Variants in KLF12 observed in about 807,000 individuals in gnomAD.
KLF12 encodes the protein Krueppel-like factor 12.
Under a neutral mutation model 37.8 loss-of-function variants are expected in KLF12, and 9 were observed. The observed-to-expected ratio is 0.24, with a 90% CI of 0.14 to 0.42. KLF12 has a LOEUF of 0.42. Among genes scored for constraint, KLF12 ranks in the 10% least tolerant of loss-of-function variants. KLF12 has a pLI of 1.00. For synonymous variants in KLF12, 208 were observed against 202.1 expected, an observed-to-expected ratio of 1.03 and a Z score of -0.25; for missense variants, 411 against 516.0, an observed-to-expected ratio of 0.80 and a Z score of 1.97.
At chr13:73,946,942 C>T (rs1189986353) in intron 2 of KLF12, among the ~76,000 whole-genome samples, 2 of 152,074 alleles carry the variant, frequency 1.3e-5, no homozygotes, top group African/African-American at 2.4e-5. Flanking sequence ...GTCCTTGAAG[C>T]AAAATATTGA....
rs869303769 is a variant in KLF12, at chr13:73,842,854, AC to A, written c.670+2972del. Among the ~76,000 whole-genome samples the A allele has an allele frequency of 1.5e-5, 2 of 131,996 alleles. 1 individual carries two copies. Among genetic ancestry groups the A allele is most frequent in the Non-Finnish European group, 3.6e-5 (2 of 54,894 alleles). The allele number at this position is 131,996 out of a possible 152,430, so 86.6% of individuals were successfully genotyped here. On this transcript the variant is annotated intron_variant, in intron 4 of 7. Transcript: ENST00000377669. ...CAGCTGCATATATGCTAAACAAAGA[AC>A]TGAGGAATTACTGAAATGCCCTTTC...
At chr13:73,813,106 G>A (rs1167114275) in intron 5 of KLF12, 46 bp downstream of exon 5, 1 of 1,602,178 alleles carries the variant, frequency 6.2e-7, no homozygotes, top group Middle Eastern at 1.7e-4. Context: ...ATTATCCATT[G>A]AACACCTTGG....
intron 2 of KLF12, 97 bp downstream of exon 2, chr13:73,994,893 T>C: frequency 2.4e-6 from 2 of 822,084 alleles, no homozygotes; most frequent in Non-Finnish European, 4.3e-6. Flanking sequence ...CTGTCTCGTA[T>C]TCACACAAGA....
chr13:74,190,497 G>A, the KLF12 span, among the ~76,000 whole-genome samples: 3 of 152,138 alleles, frequency 2.0e-5, no homozygotes, highest in Non-Finnish European at 4.4e-5. Context: ...CCAAGAATGG[G>A]ACTGGTTTCT....
At chr13:73,879,452 A>T (rs1886875347) in intron 3 of KLF12, among the ~76,000 whole-genome samples, 1 of 152,254 alleles carries the variant, frequency 6.6e-6, no homozygotes. Context: ...AGGTAATTAT[A>T]CACTGTAGAC....
chr13:74,013,449 T>C (rs779706634), intron 1 of KLF12, among the ~76,000 whole-genome samples: 20 of 152,352 alleles, frequency 1.3e-4, no homozygotes, highest in Middle Eastern at 3.4e-3. Flanking sequence ...CCTACAGTTA[T>C]ATTCAAGTGA....
At chr13:74,173,518 G>A in the KLF12 span, among the ~76,000 whole-genome samples, 2 of 152,144 alleles carry the variant, frequency 1.3e-5, no homozygotes, top group African/African-American at 4.8e-5. Flanking sequence ...CTTATGTGCT[G>A]TTGTTTTTCC....
intron 3 of KLF12, among the ~76,000 whole-genome samples, chr13:73,865,323 G>A (rs1012665515): frequency 3.3e-5 from 5 of 152,126 alleles, no homozygotes; most frequent in African/African-American, 7.2e-5. Context: ...TTTATAGCAC[G>A]TAAAATGTGG....
At chr13:73,981,995 T>C (rs1360673408) in intron 2 of KLF12, among the ~76,000 whole-genome samples, 2 of 152,228 alleles carry the variant, frequency 1.3e-5, no homozygotes, top group Non-Finnish European at 2.9e-5. Flanking sequence ...GTTAGGTTTC[T>C]CTGTTATCAT....
the KLF12 span, among the ~76,000 whole-genome samples, chr13:74,165,541 T>A: frequency 8.7e-4 from 132 of 152,154 alleles, 1 homozygote; most frequent in African/African-American, 3.0e-3. Flanking sequence ...TCAACTGATC[T>A]ACTCACCTCA....
chr13:73,847,151 TA>T (rs1885074902), intron 3 of KLF12, among the ~76,000 whole-genome samples: 1 of 152,170 alleles, frequency 6.6e-6, no homozygotes, highest in Non-Finnish European at 1.5e-5. Flanking sequence ...ATTTTACTCA[TA>T]TATCTATTCA....
intron 2 of KLF12, among the ~76,000 whole-genome samples, chr13:73,963,753 G>T (rs1194664833): frequency 6.6e-6 from 1 of 152,130 alleles, no homozygotes; most frequent in Non-Finnish European, 1.5e-5. Flanking sequence ...TAGAAAATAA[G>T]TTGTCAAGGA....
rs775059311 is a variant in KLF12 at position 73,963,972 on chromosome 13, AG to A, written c.34-19903del. 5.3e-4 allele frequency among the ~76,000 whole-genome samples: 81 copies of A among 152,352 alleles called. 2 individuals carry two copies. The highest frequency in any genetic ancestry group is 6.9e-4 in the Non-Finnish European group (47 of 68,020). On this transcript the variant is annotated intron_variant, in intron 2 of 7. Coordinates refer to ENST00000377669, the MANE Select transcript of KLF12 (RefSeq NM_007249.5). ...GAAAACCTAGCACTATGGGATTATGAGGTGGAACTTAAGCAAGAACAGTCTC... is the reference window on the plus strand; with the variant it reads ...GAAAACCTAGCACTATGGGATTATGAGTGGAACTTAAGCAAGAACAGTCTC...
chr13:73,772,866 G>A (rs1462694749), intron 5 of KLF12, among the ~76,000 whole-genome samples: 1 of 149,178 alleles, frequency 6.7e-6, no homozygotes, highest in East Asian at 2.0e-4. Context: ...GGACACAGCA[G>A]GAATGACGGT....
intron 4 of KLF12, among the ~76,000 whole-genome samples, chr13:73,831,109 A>C (rs1884133539): frequency 6.6e-6 from 1 of 152,110 alleles, no homozygotes; most frequent in Non-Finnish European, 1.5e-5. Flanking sequence ...TAAAAACATA[A>C]TGCCACCTAA....
chr13:74,234,815 G>A, the KLF12 span, among the ~76,000 whole-genome samples: 1 of 151,026 alleles, frequency 6.6e-6, no homozygotes, highest in Non-Finnish European at 1.5e-5. Context: ...TATATGTATC[G>A]ATACCTCATA....
At chr13:73,808,787 T>C (rs1456052395) in intron 5 of KLF12, among the ~76,000 whole-genome samples, 1 of 152,226 alleles carries the variant, frequency 6.6e-6, no homozygotes, top group African/African-American at 2.4e-5. Flanking sequence ...GGCAAGACTA[T>C]GAGCAAGAAT....
intron 2 of KLF12, among the ~76,000 whole-genome samples, chr13:73,956,588 T>C (rs1890839660): frequency 6.6e-6 from 1 of 152,188 alleles, no homozygotes; most frequent in Admixed American, 6.5e-5. Context: ...TCAGAACCAC[T>C]GTTTTATAAT....
intron 2 of KLF12, among the ~76,000 whole-genome samples, chr13:73,983,034 T>C (rs1891729784): frequency 6.6e-6 from 1 of 152,178 alleles, no homozygotes; most frequent in South Asian, 2.1e-4. Flanking sequence ...TCACATTTCA[T>C]TCATCCTCTT....
Sources: allele counts gnomAD v4.1 joint callset (sites outside exome capture counted in the v4.1 genomes callset), GRCh38; gene constraint gnomAD v4.1.1; transcripts MANE v1.5; gene names NCBI Gene and HGNC (gene_info 2026-07-23, HGNC 2026-07-21).